The following SLC19A3 variants were observed in gnomAD, a reference collection of about 807,000 sequenced individuals.
SLC19A3 encodes thiamine transporter 2.
Under a neutral mutation model 40.2 loss-of-function variants are expected in SLC19A3, and 31 were observed. The ratio of observed to expected loss-of-function variants is 0.77; its 90% CI spans 0.58 to 1.04. SLC19A3 has a LOEUF of 1.04. Ranked by LOEUF, SLC19A3 falls within the 50% of genes least tolerant of loss-of-function variation. SLC19A3 has a pLI of 0.00. For missense variants in SLC19A3, 592 were observed against 596.7 expected (o/e 0.99, Z 0.08); for synonymous variants, 212 against 227.5 (o/e 0.93, Z 0.61).
chr2:227,687,213 C>T lies in SLC19A3; in HGVS notation c.*184G>A, dbSNP rs1179632054. Reference sequence around the variant, plus strand: ...GATGACGGGTCCTGTCAATTGCATCCAGTAAAATTGGTCACATAGAGAACT... The same window carrying T: ...GATGACGGGTCCTGTCAATTGCATCTAGTAAAATTGGTCACATAGAGAACT... On this transcript the variant is annotated 3_prime_UTR_variant, in exon 6 of 6. Coordinates refer to ENST00000644224, the MANE Select transcript of SLC19A3 (RefSeq NM_025243.4). The T allele has an allele frequency of 5.2e-6, 3 of 572,468 alleles. No homozygotes were observed. Among genetic ancestry groups the T allele is most frequent in the Admixed American group, 6.6e-5 (2 of 30,126 alleles). 35.5% of individuals were successfully genotyped at this position (572,468 alleles called of 1,614,324 possible). A position where few individuals can be genotyped will look rare whatever the true frequency, so the allele number is the denominator to read the frequency against.
intron 1 of SLC19A3, among the ~76,000 whole-genome samples, chr2:227,713,411 A>G (rs1696212479): frequency 6.6e-6 from 1 of 151,700 alleles, no homozygotes; most frequent in African/African-American, 2.4e-5. Flanking sequence ...TAAAAAAAAA[A>G]AAAAAAAAAA....
At chr2:227,695,533 T>C (rs903507912) in intron 4 of SLC19A3, 3 of 257,584 alleles carry the variant, frequency 1.2e-5, no homozygotes, top group Non-Finnish European at 2.3e-5. Context: ...GCCTGGGAAG[T>C]CAAGGCTGCA....
At position 227,704,732 on chromosome 2, in the gene SLC19A3, G is replaced by A. The variant is rs532566770; in HGVS notation, c.-2-2412C>T. Among the ~76,000 whole-genome samples the A allele has an allele frequency of 5.3e-5, 8 of 152,222 alleles. No homozygotes were observed. In the South Asian group the frequency reaches 1.7e-3, roughly 32 times the overall value. On this transcript the variant is annotated intron_variant, in intron 1 of 5. Coordinates refer to ENST00000644224, the MANE Select transcript of SLC19A3 (RefSeq NM_025243.4). ...GAGGCCAGGAGATCAAGGTGTCGGT[G>A]AGCTGTGATCACACCACTGCACTCC...
chr2:227,690,706 C>CAAAAAAAAAAAAAAAAAAAAAAAAAAAAA (rs34163746), intron 4 of SLC19A3, among the ~76,000 whole-genome samples: 1 of 39,146 alleles, frequency 2.6e-5, no homozygotes, highest in African/African-American at 9.6e-5. Context: ...GACTCCATCT[C>CAAAAAAAAAAAAAAAAAAAAAAAAAAAAA]AAAAAAAAAA....
intron 4 of SLC19A3, among the ~76,000 whole-genome samples, chr2:227,690,114 C>A (rs926505203): frequency 6.6e-6 from 1 of 152,036 alleles, no homozygotes; most frequent in African/African-American, 2.4e-5. Context: ...AAAGAAATAA[C>A]AAAATAACAG....
chr2:227,709,360 CT>C (rs767493591), intron 1 of SLC19A3, among the ~76,000 whole-genome samples: 71 of 152,218 alleles, frequency 4.7e-4, no homozygotes, highest in Admixed American at 3.6e-3. Flanking sequence ...TGGCGGGCAC[CT>C]GTAATTCCAG....
chr2:227,716,130 A>G (rs1298663060), intron 1 of SLC19A3, among the ~76,000 whole-genome samples: 3 of 152,184 alleles, frequency 2.0e-5, no homozygotes, highest in Non-Finnish European at 4.4e-5. Context: ...CATTTGAGCT[A>G]TTTTACAACT....
chr2:227,699,685 G>A, intron 2 of SLC19A3, 121 bp from the exon 3 acceptor site: 1 of 867,104 alleles, frequency 1.2e-6, no homozygotes, highest in Admixed American at 1.9e-5. Context: ...AACATAATGA[G>A]AAAACTGATT....
intron 1 of SLC19A3, among the ~76,000 whole-genome samples, chr2:227,704,924 A>G (rs996041808): frequency 2.0e-5 from 3 of 151,876 alleles, no homozygotes; most frequent in Admixed American, 2.0e-4. Context: ...TGTTTTGCCC[A>G]GGCTGGAGTG....
chr2:227,699,277 G>A lies in SLC19A3; in HGVS notation c.438C>T (p.Val146=). ...YQRVSGYCRS[V]TLAAYTAGSV... ...ACCCTGCTGTGTAGGCGGCCAGCGT[G>A]ACGCTCCTGCAGTAGCCGCTCACTC... Residue 146 remains valine, a synonymous_variant, in exon 3 of 6, where the codon GTC becomes GTT. Coordinates refer to ENST00000644224, the MANE Select transcript of SLC19A3 (RefSeq NM_025243.4). 1.2e-6 allele frequency: 2 copies of A among 1,614,076 alleles called. No individual in the cohort carries two copies. Among genetic ancestry groups the A allele is most frequent in the Non-Finnish European group, 1.7e-6 (2 of 1,179,956 alleles).
intron 4 of SLC19A3, among the ~76,000 whole-genome samples, chr2:227,688,988 A>G (rs1351262974): frequency 1.3e-5 from 2 of 152,158 alleles, no homozygotes; most frequent in East Asian, 3.8e-4. Context: ...TGACATACTG[A>G]GAATGCATCA....
At chr2:227,706,633 C>T (rs925130932) in intron 1 of SLC19A3, 13 of 235,374 alleles carry the variant, frequency 5.5e-5, no homozygotes, top group Middle Eastern at 1.5e-3. Flanking sequence ...TAGTCGGTTG[C>T]GGTGGTGGGT....
intron 4 of SLC19A3, among the ~76,000 whole-genome samples, chr2:227,692,110 C>T (rs934844882): frequency 3.3e-5 from 5 of 152,140 alleles, no homozygotes; most frequent in Non-Finnish European, 5.9e-5. Flanking sequence ...AAGCCCAGGA[C>T]CCAATGGCTT....
chr2:227,698,704 C>T (rs1400056740), intron 3 of SLC19A3, 32 bp downstream of exon 3: 3 of 1,588,224 alleles, frequency 1.9e-6, no homozygotes, highest in Non-Finnish European at 2.6e-6. Context: ...CGGGTAAAGC[C>T]AACAAAGGAA....
At position 227,698,995 on chromosome 2, in the gene SLC19A3, A is replaced by T; in HGVS notation, c.720T>A (p.Thr240=). ...GCTGGCCCTTATTCAGCTTCCCTGA[A>T]GTGCTGAGTATTTCTGATGTGGGTT... is the stretch of plus-strand genomic sequence containing the variant. ...EQKPTSEILS[T]SGKLNKGQLN... The change falls in exon 3 of 6, where the codon ACT becomes ACA. Residue 240 remains threonine (T), a synonymous_variant. Transcript: ENST00000644224. The T allele has an allele frequency of 6.2e-7, 1 of 1,614,240 alleles. No individual in the cohort carries two copies.
In SLC19A3 at chr2:227,686,141, G is replaced by A. The variant is rs191669498; in HGVS notation, c.*1256C>T. 299 of 448,726 alleles carry A rather than the reference G, an allele frequency of 6.7e-4. No homozygotes were observed. The highest frequency in any genetic ancestry group is 9.5e-4 in the Non-Finnish European group (212 of 223,272). The allele number at this position is 448,726 out of a possible 1,614,324, so 27.8% of individuals were successfully genotyped here. ...GAACTCAGGAGGTGAAGTTTGCAGTGAGCCAAGATCACGCCATTGCATTCC... is the reference window on the plus strand; with the variant it reads ...GAACTCAGGAGGTGAAGTTTGCAGTAAGCCAAGATCACGCCATTGCATTCC... On this transcript the variant is annotated 3_prime_UTR_variant, in exon 6 of 6. Transcript: ENST00000644224.
In SLC19A3 at chr2:227,703,892, C is replaced by T. The variant is rs1695818061; in HGVS notation, c.-2-1572G>A. On this transcript the variant is annotated intron_variant, in intron 1 of 5. Coordinates refer to ENST00000644224, the MANE Select transcript of SLC19A3 (RefSeq NM_025243.4). This position sits in a 1 kb window ranked among gnomAD's most constrained non-coding sequence, Gnocchi z 4.7. Reference sequence around the variant, plus strand: ...GGACTATGCCACAGTGATCCACAGGCTGCTAAAAGCCTGCTGGATTATCTA... The same window carrying T: ...GGACTATGCCACAGTGATCCACAGGTTGCTAAAAGCCTGCTGGATTATCTA... 6.6e-6 allele frequency among the ~76,000 whole-genome samples: 1 copy of T among 152,152 alleles called. No individual in the cohort carries two copies. The highest frequency in any genetic ancestry group is 6.6e-5 in the Admixed American group (1 of 15,262).
At chr2:227,694,795 C>T (rs1195377294) in intron 4 of SLC19A3, among the ~76,000 whole-genome samples, 1 of 152,212 alleles carries the variant, frequency 6.6e-6, no homozygotes, top group African/African-American at 2.4e-5. Flanking sequence ...TGGCTCACAC[C>T]TGTAATCCTA....
intron 1 of SLC19A3, among the ~76,000 whole-genome samples, chr2:227,713,236 T>C (rs984076151): frequency 4.5e-4 from 22 of 48,640 alleles, no homozygotes; most frequent in African/African-American, 1.4e-3. Flanking sequence ...AACACGGTTC[T>C]ACAAAAAAAT....
Sources: gnomAD v4.1 joint callset for allele counts (sites outside exome capture counted in the v4.1 genomes callset) on GRCh38, gnomAD v4.1.1 for gene constraint, Gnocchi (gnomAD v3.1) non-coding constraint, MANE v1.5 for transcripts, NCBI Gene and HGNC (gene_info 2026-07-23, HGNC 2026-07-21) for gene names.